Variants in SLIT1 observed in about 807,000 individuals in gnomAD.
The protein encoded by SLIT1 is slit homolog 1 protein.
In SLIT1, 66 loss-of-function variants were observed where a neutral mutation model predicts 186.1. The ratio of observed to expected loss-of-function variants is 0.35; its 90% CI spans 0.29 to 0.44. SLIT1 has a LOEUF of 0.44. Among genes scored for constraint, SLIT1 ranks in the 20% least tolerant of loss-of-function variants. The pLI is 1.00. For missense variants in SLIT1, 1,638 were observed against 2,037.4 expected (o/e 0.80, Z 3.77); for synonymous variants, 761 against 833.8 (o/e 0.91, Z 1.50).
At position 97,006,627 on chromosome 10, in the gene SLIT1, C is replaced by A. The variant is rs1848361870; in HGVS notation, c.3435G>T (p.Gln1145His). Reference sequence around the variant, plus strand: ...GGCACTGGCACACAGGCCTGTTGCCCTGGTCCACACAGTTGGCCCCATTCT... The same window carrying A: ...GGCACTGGCACACAGGCCTGTTGCCATGGTCCACACAGTTGGCCCCATTCT... ...ECQNGANCVD[Q>H]GNRPVCQCLP... The change falls in exon 32 of 37, where the codon CAG becomes CAT. Residue 1145 changes from glutamine (Q) to histidine (H), a missense_variant. Coordinates refer to ENST00000266058, the MANE Select transcript of SLIT1 (RefSeq NM_003061.3). This position sits in a 1 kb window ranked among gnomAD's most constrained non-coding sequence, Gnocchi z 4.0. 1 of 1,614,220 alleles carries A rather than the reference C, an allele frequency of 6.2e-7. No homozygotes were observed. The highest frequency in any genetic ancestry group is 8.5e-7 in the Non-Finnish European group (1 of 1,180,034).
intron 25 of SLIT1, among the ~76,000 whole-genome samples, chr10:97,028,957 T>C (rs1007217518): frequency 6.6e-6 from 1 of 152,136 alleles, no homozygotes; most frequent in African/African-American, 2.4e-5. Flanking sequence ...ATGGCAGACA[T>C]TACAAATCAA....
chr10:97,074,116 C>T (rs1158034727), intron 4 of SLIT1, among the ~76,000 whole-genome samples: 1 of 152,168 alleles, frequency 6.6e-6, no homozygotes, highest in Non-Finnish European at 1.5e-5. Flanking sequence ...TAATAAAATA[C>T]AGGTGCACCG....
intron 4 of SLIT1, among the ~76,000 whole-genome samples, chr10:97,131,355 C>T (rs1849652644): frequency 6.6e-6 from 1 of 152,264 alleles, no homozygotes; most frequent in African/African-American, 2.4e-5. Context: ...CGCTGACAGC[C>T]TCTGGTGGAT....
intron 4 of SLIT1, among the ~76,000 whole-genome samples, chr10:97,131,102 A>G (rs566313777): frequency 6.6e-6 from 1 of 152,262 alleles, no homozygotes; most frequent in South Asian, 2.1e-4. Flanking sequence ...CAGGCCGAGC[A>G]AGGGCATTGT....
Position 97,031,659 on chromosome 10 carries a change from G to A in SLIT1, c.2457C>T (p.Ala819=), listed in dbSNP as rs148426690. The part of the protein sequence containing the change: ...QLTTLILSYN[A]LQCIPPLAFQ... ...AGGCCAAAGGCGGGATGCACTGCAG[G>A]GCATTGTAGCTGAGGATCCTGCGGA... The change falls in exon 24 of 37, where the codon GCC becomes GCT. Residue 819 remains alanine, a synonymous_variant. Coordinates refer to ENST00000266058, the MANE Select transcript of SLIT1 (RefSeq NM_003061.3). 5.0e-5 allele frequency: 77 copies of A among 1,551,732 alleles called. No individual in the cohort carries two copies. In the African/African-American group the frequency reaches 9.3e-4, roughly 19 times the overall value.
rs774449167 is a variant in SLIT1 at position 97,022,378 on chromosome 10, T to G, written c.2583-965A>C. On this transcript the variant is annotated intron_variant, in intron 25 of 36. Transcript: ENST00000266058. The surrounding 1 kb of genome is among the most constrained non-coding windows in gnomAD (Gnocchi z 4.2). Reference sequence around the variant, plus strand: ...TCAAGCATTGCAGACAAAGCAAGTGTCTGCCCTGCACAACACTGTGAATGA... The same window carrying G: ...TCAAGCATTGCAGACAAAGCAAGTGGCTGCCCTGCACAACACTGTGAATGA... 6.6e-6 allele frequency among the ~76,000 whole-genome samples: 1 copy of G among 152,240 alleles called. No homozygotes were observed. The highest frequency in any genetic ancestry group is 2.4e-5 in the African/African-American group (1 of 41,472).
intron 18 of SLIT1, among the ~76,000 whole-genome samples, chr10:97,044,774 A>G (rs1589373037): frequency 1.3e-5 from 2 of 152,332 alleles, no homozygotes; most frequent in East Asian, 3.9e-4. Context: ...CGACTACTCC[A>G]TCTTTAGGAA....
intron 1 of SLIT1, among the ~76,000 whole-genome samples, chr10:97,168,784 ATCAC>A (rs980907061): frequency 1.3e-5 from 2 of 152,238 alleles, no homozygotes; most frequent in African/African-American, 4.8e-5. Context: ...CATATCATTC[ATCAC>A]TCATTCCTTT....
chr10:97,185,643 G>A lies in SLIT1; in HGVS notation c.32C>T (p.Ala11Val). The A allele has an allele frequency of 6.5e-7, 1 of 1,544,250 alleles. No individual in the cohort carries two copies. The highest frequency in any genetic ancestry group is 8.7e-7 in the Non-Finnish European group (1 of 1,147,036). MALTPGWGSS[A>V]GPVRPELWLL... ...CCAGAGCTCCGGCCGGACCGGCCCC[G>A]CCGAGGACCCCCACCCGGGAGTCAG... Residue 11 changes from alanine (A) to valine (V), a missense_variant, in exon 1 of 37, where the codon GCG (alanine) becomes GTG (valine). Physicochemically the swap from Ala to Val is moderately conservative, Grantham distance 64. This residue lies in a region of SLIT1 where 1,245 missense variants were observed against 1,535.3 expected (regional missense o/e 0.81). Transcript: ENST00000266058.
intron 13 of SLIT1, among the ~76,000 whole-genome samples, chr10:97,055,216 C>G (rs1848825910): frequency 6.6e-6 from 1 of 151,252 alleles, no homozygotes. Context: ...CACTCCAGCT[C>G]AAAAAACAAA....
In SLIT1 at chr10:97,013,998, CT is replaced by C. The variant is rs773444438; in HGVS notation, c.3109+20del. 1.2e-6 allele frequency: 2 copies of C among 1,611,520 alleles called. No homozygotes were observed. Among genetic ancestry groups the C allele is most frequent in the Non-Finnish European group, 1.7e-6 (2 of 1,179,708 alleles). ...CTCTGTTCCCCACCTCCCCCAGACACTGCTGCCCTGACGCACTTACCCTCAT... is the reference window on the plus strand; with the variant it reads ...CTCTGTTCCCCACCTCCCCCAGACACGCTGCCCTGACGCACTTACCCTCAT... On this transcript the variant is annotated intron_variant, in intron 29 of 36. Coordinates refer to ENST00000266058, the MANE Select transcript of SLIT1 (RefSeq NM_003061.3).
rs1962436 is a variant in SLIT1, at chr10:97,004,499, A to G, written c.3710+194T>C. 0.14 allele frequency among the ~76,000 whole-genome samples: 20,757 copies of G among 152,122 alleles called. 1,754 individuals carry two copies. The highest frequency in any genetic ancestry group is 0.39 in the East Asian group (1,979 of 5,140). ...CTCTAAGGTGGTGGTGGGATGGGGAAGGATGGGGCCACTGCACAGGCCTCA... is the reference window on the plus strand; with the variant it reads ...CTCTAAGGTGGTGGTGGGATGGGGAGGGATGGGGCCACTGCACAGGCCTCA... On this transcript the variant is annotated intron_variant, in intron 33 of 36. Transcript: ENST00000266058. The surrounding 1 kb of genome is among the most constrained non-coding windows in gnomAD (Gnocchi z 5.1).
chr10:97,081,817 T>C (rs955326985), intron 4 of SLIT1, among the ~76,000 whole-genome samples: 3 of 152,176 alleles, frequency 2.0e-5, no homozygotes, highest in Admixed American at 2.0e-4. Context: ...GGAGTCGCTG[T>C]CTGGGGAGCT....
intron 24 of SLIT1, among the ~76,000 whole-genome samples, chr10:97,031,039 G>A (rs1194610091): frequency 6.7e-6 from 1 of 149,916 alleles, no homozygotes; most frequent in African/African-American, 2.5e-5. Flanking sequence ...GCCCTTCGGA[G>A]GACTGAAACA....
chr10:97,127,518 G>A (rs749424759), intron 4 of SLIT1, among the ~76,000 whole-genome samples: 1 of 152,136 alleles, frequency 6.6e-6, no homozygotes, highest in Non-Finnish European at 1.5e-5. Flanking sequence ...GAACAGTGCC[G>A]GGTCACTCAA....
chr10:97,180,299 C>T (rs918551356), intron 1 of SLIT1, among the ~76,000 whole-genome samples: 1 of 152,232 alleles, frequency 6.6e-6, no homozygotes, highest in African/African-American at 2.4e-5. Context: ...AGCGCTCCTG[C>T]GAGCATTACC....
At position 97,042,885 on chromosome 10, in the gene SLIT1, G is replaced by A. The variant is rs1429374989; in HGVS notation, c.2164+16C>T. 6.2e-7 allele frequency: 1 copy of A among 1,611,450 alleles called. No homozygotes were observed. The highest frequency in any genetic ancestry group is 8.5e-7 in the Non-Finnish European group (1 of 1,178,290). ...CAGGGCGCCCTCTCCCTTGCCACCG[G>A]GGGGCCACGAGTTACCTTCCTCACA... On this transcript the variant is annotated intron_variant, in intron 20 of 36. Transcript: ENST00000266058.
chr10:97,141,449 C>T (rs1034356637), intron 4 of SLIT1, among the ~76,000 whole-genome samples: 1 of 152,130 alleles, frequency 6.6e-6, no homozygotes, highest in Non-Finnish European at 1.5e-5. Flanking sequence ...CCAGTGTTAG[C>T]CACCCTCCTC....
At chr10:97,100,755 T>C (rs1336124020) in intron 4 of SLIT1, among the ~76,000 whole-genome samples, 1 of 152,148 alleles carries the variant, frequency 6.6e-6, no homozygotes, top group South Asian at 2.1e-4. Context: ...TTTTAAGGCA[T>C]GTCAGTGATA....
Sources: allele counts gnomAD v4.1 joint callset (sites outside exome capture counted in the v4.1 genomes callset), GRCh38; gene constraint gnomAD v4.1.1; regional missense constraint gnomAD v4.1.1; non-coding constraint Gnocchi (gnomAD v3.1); transcripts MANE v1.5; gene names NCBI Gene and HGNC (gene_info 2026-07-23, HGNC 2026-07-21).